The following STX8 variants were observed in gnomAD, a reference collection of about 807,000 sequenced individuals.
The protein encoded by STX8 is syntaxin 8.
In STX8, 23 loss-of-function variants were observed where a neutral mutation model predicts 37.5. The ratio of observed to expected loss-of-function variants is 0.61; its 90% CI spans 0.44 to 0.87. The LOEUF (loss-of-function observed/expected upper bound fraction) is 0.87, where lower values mean the gene tolerates loss of function less well. Ranked by LOEUF, STX8 falls within the 40% of genes least tolerant of loss-of-function variation. The probability of loss-of-function intolerance (pLI) is 0.00; values close to 1 mark genes in which losing one functional copy is unlikely to be tolerated. For missense variants in STX8, 313 were observed against 284.7 expected, an observed-to-expected ratio of 1.10 and a Z score of -0.71; for synonymous variants, 115 against 99.1, an observed-to-expected ratio of 1.16 and a Z score of -0.95.
intron 6 of STX8, among the ~76,000 whole-genome samples, chr17:9,436,868 A>T (rs1207742708): frequency 6.6e-6 from 1 of 152,210 alleles, no homozygotes; most frequent in Non-Finnish European, 1.5e-5. Context: ...CATTTTTCAA[A>T]CGCTGACTCC....
intron 7 of STX8, among the ~76,000 whole-genome samples, chr17:9,271,575 C>A (rs1484675625): frequency 6.6e-6 from 1 of 152,048 alleles, no homozygotes; most frequent in Non-Finnish European, 1.5e-5. Context: ...CAGGGTGAAA[C>A]CCCATCTGTA....
intron 7 of STX8, among the ~76,000 whole-genome samples, chr17:9,340,014 C>A (rs1910287978): frequency 6.6e-6 from 1 of 152,214 alleles, no homozygotes; most frequent in Non-Finnish European, 1.5e-5. Flanking sequence ...GACTCTAAGG[C>A]TGACGCAACC....
intron 7 of STX8, among the ~76,000 whole-genome samples, chr17:9,295,974 A>T (rs1382921116): frequency 6.6e-6 from 1 of 151,778 alleles, no homozygotes; most frequent in East Asian, 1.9e-4. Flanking sequence ...GCGGATCACG[A>T]GGTCAGGAGA....
intron 6 of STX8, among the ~76,000 whole-genome samples, chr17:9,396,548 T>C (rs1912409908): frequency 6.6e-6 from 1 of 151,846 alleles, no homozygotes; most frequent in African/African-American, 2.4e-5. Flanking sequence ...CCGTCTCTAT[T>C]AAAAATACAA....
intron 6 of STX8, among the ~76,000 whole-genome samples, chr17:9,412,755 A>C (rs1913027246): frequency 6.6e-6 from 1 of 152,008 alleles, no homozygotes; most frequent in Admixed American, 6.5e-5. Flanking sequence ...AGCATTTAAG[A>C]GTTTCTGTCA....
At chr17:9,368,756 C>G (rs555641079) in intron 7 of STX8, among the ~76,000 whole-genome samples, 1 of 152,224 alleles carries the variant, frequency 6.6e-6, no homozygotes, top group South Asian at 2.1e-4. Flanking sequence ...AACTCAGAAG[C>G]AGCTTGTCTT....
chr17:9,376,267 A>G (rs1487488564), intron 7 of STX8, among the ~76,000 whole-genome samples: 2 of 151,988 alleles, frequency 1.3e-5, no homozygotes, highest in African/African-American at 4.8e-5. Flanking sequence ...TGCCCCAATC[A>G]GCGCTCTGTG....
intron 7 of STX8, among the ~76,000 whole-genome samples, chr17:9,333,448 C>T (rs139574621): frequency 0.052 from 7,974 of 152,232 alleles, 293 homozygotes; most frequent in East Asian, 0.12. Flanking sequence ...AGTGCAGTGG[C>T]ATGATCTCGG....
At position 9,532,179 on chromosome 17, in the gene STX8, C is replaced by T. The variant is rs185134681; in HGVS notation, c.323+12993G>A. On this transcript the variant is annotated intron_variant, in intron 4 of 7. Transcript: ENST00000306357. The stretch of plus-strand genomic sequence containing the variant: ...ATGGTGAGGGAAAAAAAAAAAAATC[C>T]GGACTAAGTAGCTACAGAGATCTCT... Among the ~76,000 whole-genome samples the T allele has an allele frequency of 6.5e-3, 983 of 151,836 alleles. 7 individuals carry two copies. Among genetic ancestry groups the T allele is most frequent in the South Asian group, 8.8e-3 (42 of 4,798 alleles).
chr17:9,552,809 C>A (rs1030238516), intron 3 of STX8: 1 of 151,962 alleles, frequency 6.6e-6, no homozygotes, highest in Non-Finnish European at 1.5e-5. Context: ...CCCGCCACCA[C>A]GCCCGGCTAA....
At chr17:9,344,677 T>G (rs1910476763) in intron 7 of STX8, among the ~76,000 whole-genome samples, 1 of 152,166 alleles carries the variant, frequency 6.6e-6, no homozygotes, top group Non-Finnish European at 1.5e-5. Context: ...CATGTAGGCC[T>G]GCTTGCCTGC....
intron 7 of STX8, among the ~76,000 whole-genome samples, chr17:9,337,333 T>C (rs953506812): frequency 1.3e-5 from 2 of 152,192 alleles, no homozygotes; most frequent in East Asian, 1.9e-4. Context: ...CCAAGTAGTA[T>C]ACTCCTCAAA....
intron 7 of STX8, among the ~76,000 whole-genome samples, chr17:9,331,099 C>T (rs1328834457): frequency 6.6e-6 from 1 of 152,146 alleles, no homozygotes; most frequent in Non-Finnish European, 1.5e-5. Context: ...CTCAGAGGGC[C>T]TGCATTTCAT....
At chr17:9,485,471 C>T (rs1487759929) in intron 6 of STX8, among the ~76,000 whole-genome samples, 1 of 152,136 alleles carries the variant, frequency 6.6e-6, no homozygotes, top group African/African-American at 2.4e-5. Flanking sequence ...AAATGTATGC[C>T]TGCTGTTGTT....
chr17:9,470,796 G>A (rs1359235744), intron 6 of STX8, among the ~76,000 whole-genome samples: 15 of 151,782 alleles, frequency 9.9e-5, no homozygotes, highest in East Asian at 1.9e-4. Flanking sequence ...GCACAATCTC[G>A]GCTCACTGCA....
intron 6 of STX8, among the ~76,000 whole-genome samples, chr17:9,428,239 T>C (rs975930723): frequency 6.8e-6 from 1 of 147,694 alleles, no homozygotes; most frequent in Non-Finnish European, 1.5e-5. Context: ...AAATGACTTT[T>C]GTTTTGTTTT....
intron 6 of STX8, among the ~76,000 whole-genome samples, chr17:9,445,501 T>TGGTGGGGGAGGGGGCTGGGGG (rs1904808294): frequency 7.0e-4 from 1 of 1,430 alleles, no homozygotes. Context: ...GAGGGGGGGA[T>TGGTGGGGGAGGGGGCTGGGGG]GGTGGGGGAG....
chr17:9,393,095 T>C (rs1331982678), intron 6 of STX8, among the ~76,000 whole-genome samples: 1 of 152,078 alleles, frequency 6.6e-6, no homozygotes, highest in East Asian at 1.9e-4. Flanking sequence ...AAAAAAATAA[T>C]TGAACACAAC....
intron 6 of STX8, among the ~76,000 whole-genome samples, chr17:9,432,079 C>G (rs1299280789): frequency 1.3e-5 from 2 of 151,990 alleles, no homozygotes; most frequent in Non-Finnish European, 2.9e-5. Context: ...AAAATAAATT[C>G]TGATTCTAAT....
Sources: gnomAD v4.1 joint callset for allele counts (sites outside exome capture counted in the v4.1 genomes callset) on GRCh38, gnomAD v4.1.1 for gene constraint, MANE v1.5 for transcripts, NCBI Gene and HGNC (gene_info 2026-07-23, HGNC 2026-07-21) for gene names.